Variants in AAK1 observed in about 807,000 individuals in gnomAD.
The protein encoded by AAK1 is AP2-associated protein kinase 1.
In AAK1, 37 loss-of-function variants were observed where a neutral mutation model predicts 116.0. The observed-to-expected ratio is 0.32, with a 90% CI of 0.25 to 0.42. The LOEUF (loss-of-function observed/expected upper bound fraction) is 0.42. AAK1 is among the 10% of genes least tolerant of loss of function. AAK1 has a pLI of 1.00. For synonymous variants in AAK1, 458 were observed against 439.9 expected (o/e 1.04, Z -0.51); for missense variants, 919 against 1,170.6 (o/e 0.79, Z 3.14).
chr2:69,532,177 C>A lies in AAK1; in HGVS notation c.535-15G>T, dbSNP rs760885436. The A allele has an allele frequency of 3.1e-6, 5 of 1,612,494 alleles. No individual in the cohort carries two copies. The highest frequency in any genetic ancestry group is 1.7e-4 in the Middle Eastern group (1 of 6,050). On this transcript the variant is annotated splice_polypyrimidine_tract_variant and intron_variant, in intron 5 of 21. Coordinates refer to ENST00000409085, the MANE Select transcript of AAK1 (RefSeq NM_014911.5). Reference sequence around the variant, plus strand: ...ATGTTTTCAACCTGAAAAACATTCCCCAACCACCCATTCCAAGATATCATT... The same window carrying A: ...ATGTTTTCAACCTGAAAAACATTCCACAACCACCCATTCCAAGATATCATT...
At chr2:69,627,739 AT>A (rs1674974496) in intron 2 of AAK1, among the ~76,000 whole-genome samples, 1 of 152,064 alleles carries the variant, frequency 6.6e-6, no homozygotes, top group Non-Finnish European at 1.5e-5. Context: ...ATCTCACTCC[AT>A]TTCAGTTTTC....
At chr2:69,484,703 C>T (rs1251237377) in intron 17 of AAK1, among the ~76,000 whole-genome samples, 4 of 151,866 alleles carry the variant, frequency 2.6e-5, no homozygotes, top group African/African-American at 7.3e-5. Flanking sequence ...GGCGAAACCC[C>T]GCCTCTACTA....
intron 16 of AAK1, among the ~76,000 whole-genome samples, chr2:69,502,043 A>G (rs888641621): frequency 2.0e-5 from 3 of 152,166 alleles, no homozygotes; most frequent in Admixed American, 6.6e-5. Context: ...AAAACAGAAG[A>G]TTTTATAAAT....
intron 2 of AAK1, among the ~76,000 whole-genome samples, chr2:69,558,339 C>A (rs1373926328): frequency 8.2e-4 from 110 of 133,640 alleles, no homozygotes; most frequent in East Asian, 1.0e-3. Context: ...GACCCTGTCT[C>A]AAAAAAAAAA....
At chr2:69,545,716 A>G (rs1332731321) in intron 3 of AAK1, among the ~76,000 whole-genome samples, 1 of 152,258 alleles carries the variant, frequency 6.6e-6, no homozygotes, top group African/African-American at 2.4e-5. Context: ...ATTGCCTCAG[A>G]AATGGCAGCT....
chr2:69,607,102 A>G (rs1673841017), intron 2 of AAK1, among the ~76,000 whole-genome samples: 1 of 152,090 alleles, frequency 6.6e-6, no homozygotes, highest in South Asian at 2.1e-4. Flanking sequence ...CTGTGGAGAA[A>G]AATAAAGCAA....
In AAK1 at chr2:69,474,208, T is replaced by A; in HGVS notation, c.*1661A>T. On this transcript the variant is annotated 3_prime_UTR_variant, in exon 22 of 22. Coordinates refer to ENST00000409085, the MANE Select transcript of AAK1 (RefSeq NM_014911.5). ...ACTTTTTTCCCCCATAAAGTGCAAA[T>A]GTGAGGAAGAAGAAACAAAAGTACT... 1 of 985,730 alleles carries A rather than the reference T, an allele frequency of 1.0e-6. No homozygotes were observed. Among genetic ancestry groups the A allele is most frequent in the Non-Finnish European group, 1.2e-6 (1 of 829,912 alleles). 61.1% of individuals were successfully genotyped at this position (985,730 alleles called of 1,614,324 possible). A position where few individuals can be genotyped will look rare whatever the true frequency, so the allele number is the denominator to read the frequency against.
chr2:69,574,594 A>AAG (rs1027033682), intron 2 of AAK1, among the ~76,000 whole-genome samples: 25 of 151,524 alleles, frequency 1.6e-4, no homozygotes, highest in Middle Eastern at 3.4e-3. Flanking sequence ...TTAAAAAAAT[A>AAG]AGAGAGAGAG....
At chr2:69,593,359 T>G (rs1673118896) in intron 2 of AAK1, among the ~76,000 whole-genome samples, 2 of 152,138 alleles carry the variant, frequency 1.3e-5, no homozygotes, top group Non-Finnish European at 2.9e-5. Context: ...AACATATTAT[T>G]GAGTTTAAAA....
intron 2 of AAK1, among the ~76,000 whole-genome samples, chr2:69,603,797 A>C (rs968942855): frequency 6.6e-5 from 10 of 152,324 alleles, no homozygotes; most frequent in Admixed American, 4.6e-4. Context: ...CGTAAGGAGC[A>C]TATTATTTAG....
intron 2 of AAK1, among the ~76,000 whole-genome samples, chr2:69,609,137 G>A (rs149544466): frequency 0.01 from 1,579 of 152,256 alleles, 21 homozygotes; most frequent in African/African-American, 0.034. Context: ...CAAGGCAGGC[G>A]GATCACTTGA....
chr2:69,518,649 C>T (rs1020731482), intron 12 of AAK1, among the ~76,000 whole-genome samples: 1 of 152,060 alleles, frequency 6.6e-6, no homozygotes, highest in African/African-American at 2.4e-5. Context: ...GATCTCTTGA[C>T]CTCGTGATCC....
At chr2:69,544,774 A>G (rs1386191290) in intron 3 of AAK1, among the ~76,000 whole-genome samples, 2 of 152,192 alleles carry the variant, frequency 1.3e-5, no homozygotes, top group East Asian at 3.8e-4. Flanking sequence ...TCCAGAACCT[A>G]AATTCTAGAG....
intron 2 of AAK1, among the ~76,000 whole-genome samples, chr2:69,640,014 AACACACACACACAC>A (rs376034914): frequency 5.8e-5 from 6 of 103,748 alleles, no homozygotes; most frequent in Middle Eastern, 5.3e-3. Context: ...ACTCCCCTTT[AACACACACACACAC>A]ACACACACAC....
Position 69,500,698 on chromosome 2 carries a change from T to TATATATATATATATAC in AAK1, c.2270-4619_2270-4618insGTATATATATATATAT. On this transcript the variant is annotated intron_variant, in intron 16 of 21. Transcript: ENST00000409085. ...ATATATATATATATATATATATATA[T>TATATATATATATATAC]ACACACACACACACACACACACACA... 1.8e-3 allele frequency among the ~76,000 whole-genome samples: 117 copies of TATATATATATATATAC among 65,070 alleles called. 1 individual carries two copies. Among genetic ancestry groups the TATATATATATATATAC allele is most frequent in the Middle Eastern group, 9.3e-3 (1 of 108 alleles). 42.7% of individuals were successfully genotyped at this position (65,070 alleles called of 152,430 possible). A position where few individuals can be genotyped will look rare whatever the true frequency, so the allele number is the denominator to read the frequency against.
intron 3 of AAK1, among the ~76,000 whole-genome samples, chr2:69,554,105 G>A (rs937465766): frequency 6.6e-6 from 1 of 151,500 alleles, no homozygotes; most frequent in Admixed American, 6.6e-5. Context: ...CTGGAGGATC[G>A]GCTCCAACAA....
At chr2:69,544,880 G>A (rs1204291490) in intron 3 of AAK1, among the ~76,000 whole-genome samples, 2 of 152,240 alleles carry the variant, frequency 1.3e-5, no homozygotes, top group Non-Finnish European at 2.9e-5. Flanking sequence ...AGGGGGTAAA[G>A]AGTAGAGAGA....
At chr2:69,601,178 ACCTGCAATAGCTAAAGTGTGC>A (rs1673561414) in intron 2 of AAK1, among the ~76,000 whole-genome samples, 2 of 152,228 alleles carry the variant, frequency 1.3e-5, no homozygotes, top group African/African-American at 2.4e-5. Context: ...CTGGAACAGA[ACCTGCAATAGCTAAAGTGTGC>A]CCAAGTATAC....
intron 10 of AAK1, among the ~76,000 whole-genome samples, chr2:69,521,662 T>C (rs1180921804): frequency 6.6e-6 from 1 of 152,220 alleles, no homozygotes; most frequent in Non-Finnish European, 1.5e-5. Flanking sequence ...GCCCAGTCTC[T>C]TTTGAAAACA....
Sources: allele counts gnomAD v4.1 joint callset (sites outside exome capture counted in the v4.1 genomes callset), GRCh38; gene constraint gnomAD v4.1.1; transcripts MANE v1.5; gene names NCBI Gene and HGNC (gene_info 2026-07-23, HGNC 2026-07-21).